PDE1A: variants seen among roughly 807,000 people sequenced by gnomAD.
PDE1A encodes phosphodiesterase 1A, also known as dual specificity calcium/calmodulin-dependent 3',5'-cyclic nucleotide phosphodiesterase 1A.
A neutral mutation model predicts 61.7 loss-of-function variants in PDE1A; 35 were observed. That is an observed-to-expected ratio of 0.57 (90% CI 0.43 to 0.75). The LOEUF (loss-of-function observed/expected upper bound fraction) is 0.75, where lower values mean the gene tolerates loss of function less well. PDE1A is among the 30% of genes least tolerant of loss of function. The pLI is 0.00. For synonymous variants in PDE1A, 232 were observed against 213.2 expected, an observed-to-expected ratio of 1.09 and a Z score of -0.77; for missense variants, 597 against 630.6, an observed-to-expected ratio of 0.95 and a Z score of 0.57.
chr2:182,385,634 AAAGAAG>A (rs908668461), intron 1 of PDE1A, among the ~76,000 whole-genome samples: 10 of 78,724 alleles, frequency 1.3e-4, no homozygotes, highest in Admixed American at 4.1e-4. Flanking sequence ...AGAAAGAAAG[AAAGAAG>A]AAGAAAGAAA....
At chr2:182,512,867 C>T (rs897837328) in intron 2 of PDE1A, among the ~76,000 whole-genome samples, 14 of 152,196 alleles carry the variant, frequency 9.2e-5, no homozygotes, top group African/African-American at 2.6e-4. Flanking sequence ...GCTCAAAGTC[C>T]GATTCCTTGA....
chr2:182,370,932 C>A (rs554799488), intron 1 of PDE1A, among the ~76,000 whole-genome samples: 2 of 152,056 alleles, frequency 1.3e-5, no homozygotes, highest in Non-Finnish European at 2.9e-5. Context: ...AGAAAAAGTT[C>A]AGAAAAACTG....
At chr2:182,687,512 C>G in the PDE1A span, among the ~76,000 whole-genome samples, 1 of 152,066 alleles carries the variant, frequency 6.6e-6, no homozygotes, top group African/African-American at 2.4e-5. Flanking sequence ...GAAAGGACAT[C>G]CACACCAAAA....
chr2:182,340,920 G>A (rs1382094990), intron 1 of PDE1A, among the ~76,000 whole-genome samples: 2 of 152,116 alleles, frequency 1.3e-5, no homozygotes, highest in African/African-American at 4.8e-5. Flanking sequence ...GGAGAGTTTG[G>A]ATACGTAATT....
At chr2:182,220,954 T>C (rs541890358) in intron 7 of PDE1A, among the ~76,000 whole-genome samples, 1 of 152,228 alleles carries the variant, frequency 6.6e-6, no homozygotes, top group African/African-American at 2.4e-5. Flanking sequence ...TTCAAGTTCA[T>C]GTAGAATTAA....
chr2:182,552,478 TCTGTCAC>T, the PDE1A span, among the ~76,000 whole-genome samples: 34,931 of 140,818 alleles, frequency 0.25, 5,342 homozygotes, highest in Middle Eastern at 0.37. Flanking sequence ...AGAGTGTCGC[TCTGTCAC>T]CCAGGCTGGA....
At chr2:182,372,745 G>C in intron 1 of PDE1A, among the ~76,000 whole-genome samples, 1 of 152,202 alleles carries the variant, frequency 6.6e-6, no homozygotes, top group East Asian at 1.9e-4. Flanking sequence ...TCAGAACACA[G>C]AGAAATTCAG....
intron 2 of PDE1A, among the ~76,000 whole-genome samples, chr2:182,446,023 C>T (rs530576583): frequency 6.6e-6 from 1 of 152,108 alleles, no homozygotes; most frequent in South Asian, 2.1e-4. Flanking sequence ...TGCTAATATG[C>T]AAGATAAAAA....
chr2:182,627,323 TATATATA>T, the PDE1A span, among the ~76,000 whole-genome samples: 2 of 81,618 alleles, frequency 2.5e-5, no homozygotes, highest in African/African-American at 8.8e-5. Context: ...ATATATATTA[TATATATA>T]AATTTATATA....
chr2:182,407,149 G>A (rs1483360360), intron 1 of PDE1A, among the ~76,000 whole-genome samples: 1 of 152,090 alleles, frequency 6.6e-6, no homozygotes, highest in Non-Finnish European at 1.5e-5. Context: ...AGAGATTTAT[G>A]AAATCCCATT....
chr2:182,479,871 T>G (rs544602104), intron 2 of PDE1A, among the ~76,000 whole-genome samples: 1 of 151,288 alleles, frequency 6.6e-6, no homozygotes, highest in Non-Finnish European at 1.5e-5. Context: ...TGATTCTTTA[T>G]GTACATAGGA....
chr2:182,234,951 TATC>T (rs1268853280), intron 3 of PDE1A, among the ~76,000 whole-genome samples: 2 of 152,222 alleles, frequency 1.3e-5, no homozygotes, highest in African/African-American at 2.4e-5. Flanking sequence ...GGATATGTAG[TATC>T]ATCAGAATTT....
chr2:182,486,647 G>T (rs2125864345), intron 2 of PDE1A, among the ~76,000 whole-genome samples: 1 of 152,120 alleles, frequency 6.6e-6, no homozygotes, highest in African/African-American at 2.4e-5. Context: ...TTAGATTTTT[G>T]ATCAATTCAT....
At chr2:182,608,620 C>T in the PDE1A span, among the ~76,000 whole-genome samples, 3 of 152,224 alleles carry the variant, frequency 2.0e-5, no homozygotes, top group South Asian at 6.2e-4. Flanking sequence ...GATTTCTCGC[C>T]GGGCCTTAGC....
chr2:182,355,785 A>G (rs961280633), intron 1 of PDE1A, among the ~76,000 whole-genome samples: 1 of 152,144 alleles, frequency 6.6e-6, no homozygotes. Context: ...AGTTCCTTCA[A>G]TGTAATATTA....
At chr2:182,263,677 C>T (rs1420043306) in intron 2 of PDE1A, among the ~76,000 whole-genome samples, 1 of 152,174 alleles carries the variant, frequency 6.6e-6, no homozygotes, top group African/African-American at 2.4e-5. Context: ...AGACACTGGT[C>T]ACATCTCCTG....
intron 2 of PDE1A, among the ~76,000 whole-genome samples, chr2:182,263,717 C>T (rs1430269660): frequency 6.6e-6 from 1 of 152,176 alleles, no homozygotes; most frequent in African/African-American, 2.4e-5. Flanking sequence ...AGGGGGTGAA[C>T]AGCCTCTTTG....
At chr2:182,163,819 G>T (rs563929832), downstream of PDE1A, among the ~76,000 whole-genome samples, 1 of 152,308 alleles carries the variant, frequency 6.6e-6, no homozygotes, top group East Asian at 1.9e-4. Flanking sequence ...AGGCTGCTAT[G>T]CAAGCTGCTC....
chr2:182,498,906 G>A (rs903009663), intron 2 of PDE1A, among the ~76,000 whole-genome samples: 2 of 151,958 alleles, frequency 1.3e-5, no homozygotes, highest in Middle Eastern at 3.2e-3. Context: ...ATGCGCCACT[G>A]CACTCCAGCC....
Sources: gnomAD v4.1 joint callset for allele counts (sites outside exome capture counted in the v4.1 genomes callset) on GRCh38, gnomAD v4.1.1 for gene constraint, MANE v1.5 for transcripts, NCBI Gene and HGNC (gene_info 2026-07-23, HGNC 2026-07-21) for gene names.